The following ITGB8 variants were observed in gnomAD, a reference collection of about 807,000 sequenced individuals.
The protein encoded by ITGB8 is integrin subunit beta 8, also known as integrin beta-8.
Under a neutral mutation model 89.5 loss-of-function variants are expected in ITGB8, and 30 were observed. The ratio of observed to expected loss-of-function variants is 0.34; its 90% CI spans 0.25 to 0.45. The LOEUF is 0.45. Among genes scored for constraint, ITGB8 ranks in the 20% least tolerant of loss-of-function variants. The pLI, the probability that ITGB8 is intolerant of heterozygous loss-of-function variation, is 1.00. For missense variants in ITGB8, 836 were observed against 933.3 expected (o/e 0.90, Z 1.36); for synonymous variants, 335 against 320.4 (o/e 1.05, Z -0.49).
intron 3 of ITGB8, among the ~76,000 whole-genome samples, chr7:20,378,305 G>A (rs1186387327): frequency 6.6e-6 from 1 of 152,114 alleles, no homozygotes; most frequent in Non-Finnish European, 1.5e-5. Context: ...TGGGTGCCTC[G>A]CTCATGGGCC....
chr7:20,377,917 A>G, intron 3 of ITGB8, among the ~76,000 whole-genome samples: 1 of 152,254 alleles, frequency 6.6e-6, no homozygotes, highest in Non-Finnish European at 1.5e-5. Context: ...TGCTAACACC[A>G]AAAATATAAT....
rs975032574 is a variant in ITGB8 at position 20,414,782 on chromosome 7, G to A, written c.*4785G>A. The A allele has an allele frequency of 2.0e-5, 3 of 152,528 alleles. No individual in the cohort carries two copies. The highest frequency in any genetic ancestry group is 6.6e-5 in the Admixed American group (1 of 15,262). The allele number at this position is 152,528 out of a possible 1,614,324, so 9.4% of individuals were successfully genotyped here. ...TTCAGCTATCTGGGCAGCTGTTAAT[G>A]TAAACCTGAGAGTAATAACACTACT... On this transcript the variant is annotated 3_prime_UTR_variant, in exon 14 of 14. Transcript: ENST00000222573.
chr7:20,347,156 G>A (rs932179303), intron 1 of ITGB8, among the ~76,000 whole-genome samples: 1 of 152,134 alleles, frequency 6.6e-6, no homozygotes, highest in Non-Finnish European at 1.5e-5. Context: ...TGGACTTGCC[G>A]GATTCCAAAA....
chr7:20,412,597 T>C lies in ITGB8; in HGVS notation c.*2600T>C, dbSNP rs769763255. The C allele has an allele frequency of 7.9e-5, 12 of 152,660 alleles. No homozygotes were observed. The highest frequency in any genetic ancestry group is 1.6e-4 in the Non-Finnish European group (11 of 68,030). 9.5% of individuals were successfully genotyped at this position (152,660 alleles called of 1,614,324 possible). On this transcript the variant is annotated 3_prime_UTR_variant, in exon 14 of 14. Transcript: ENST00000222573. Reference sequence around the variant, plus strand: ...CTAACTTTATAGTGGACCAAGGCTGTTACCATAGGAAGGGACAAACTTCCT... The same window carrying C: ...CTAACTTTATAGTGGACCAAGGCTGCTACCATAGGAAGGGACAAACTTCCT...
Position 20,414,736 on chromosome 7 carries a change from T to G in ITGB8, c.*4739T>G, listed in dbSNP as rs184802495. The G allele has an allele frequency of 6.5e-6, 1 of 152,754 alleles. No individual in the cohort carries two copies. The highest frequency in any genetic ancestry group is 1.9e-4 in the East Asian group (1 of 5,192). The allele number at this position is 152,754 out of a possible 1,614,324, so 9.5% of individuals were successfully genotyped here. On this transcript the variant is annotated 3_prime_UTR_variant, in exon 14 of 14. Transcript: ENST00000222573. ...TTATAAAACTGCATATTTAAATTAT[T>G]TGAATTATATGAAATAATTGTTCAG...
At chr7:20,383,036 G>A (rs542367143) in intron 6 of ITGB8, among the ~76,000 whole-genome samples, 3 of 152,230 alleles carry the variant, frequency 2.0e-5, no homozygotes, top group African/African-American at 7.2e-5. Flanking sequence ...GCCACCCTTG[G>A]GAGTGTGCTG....
At chr7:20,376,107 G>A (rs1786132253) in intron 3 of ITGB8, among the ~76,000 whole-genome samples, 1 of 152,062 alleles carries the variant, frequency 6.6e-6, no homozygotes, top group African/African-American at 2.4e-5. Flanking sequence ...TAAAACCAAT[G>A]GATATTGCCA....
Position 20,409,993 on chromosome 7 carries a change from T to C in ITGB8, c.2306T>C (p.Phe769Ser), listed in dbSNP as rs1216294908. ...GCTCATGAAACTTTCAGGTGCAACTTCTAAAAAAAGATTTTTAAACACTTA... is the reference window on the plus strand; with the variant it reads ...GCTCATGAAACTTTCAGGTGCAACTCCTAAAAAAAGATTTTTAAACACTTA... ...LNAHETFRCN[F>S] Residue 769 changes from phenylalanine (F) to serine (S), a missense_variant, in exon 14 of 14, where the codon TTC becomes TCC. Physicochemically the swap from Phe to Ser is radical, Grantham distance 155 (BLOSUM62 -2). Around this residue, in one of 5 missense-constraint regions of ITGB8, gnomAD observed 422 missense variants for 416.9 expected, o/e 1.01. Transcript: ENST00000222573. 1.9e-6 allele frequency: 3 copies of C among 1,605,624 alleles called. No homozygotes were observed. In the South Asian group the frequency reaches 3.4e-5, roughly 18 times the overall value.
chr7:20,349,108 AC>A (rs1185763280), intron 1 of ITGB8, among the ~76,000 whole-genome samples: 1 of 152,158 alleles, frequency 6.6e-6, no homozygotes, highest in Non-Finnish European at 1.5e-5. Context: ...TTAAAGTATT[AC>A]GGAAGATTAT....
chr7:20,353,251 C>T lies in ITGB8; in HGVS notation c.128-10386C>T, dbSNP rs554446008. On this transcript the variant is annotated intron_variant, in intron 1 of 13. Coordinates refer to ENST00000222573, the MANE Select transcript of ITGB8 (RefSeq NM_002214.3). ...TGCTCTCCAAAAATCTTTATGCTAG[C>T]GTAAAGGCCTGTTGTAATCACATAA... 1.3e-4 allele frequency: 20 copies of T among 152,280 alleles called. No homozygotes were observed. In the East Asian group the frequency reaches 1.9e-3, roughly 15 times the overall value. 9.4% of individuals were successfully genotyped at this position (152,280 alleles called of 1,614,324 possible). A position where few individuals can be genotyped will look rare whatever the true frequency, so the allele number is the denominator to read the frequency against.
intron 6 of ITGB8, among the ~76,000 whole-genome samples, chr7:20,390,914 T>C (rs1006137673): frequency 3.9e-5 from 6 of 152,062 alleles, no homozygotes; most frequent in African/African-American, 1.4e-4. Context: ...TATAACTATA[T>C]CATGTTATAT....
chr7:20,408,539 C>T (rs1208141779), intron 12 of ITGB8, among the ~76,000 whole-genome samples: 2 of 152,320 alleles, frequency 1.3e-5, no homozygotes, highest in African/African-American at 4.8e-5. Context: ...TATGCTAAGC[C>T]TTGGCAGGTC....
intron 9 of ITGB8, among the ~76,000 whole-genome samples, chr7:20,400,125 T>C (rs1326587265): frequency 2.0e-5 from 3 of 152,286 alleles, no homozygotes; most frequent in South Asian, 2.1e-4. Context: ...CTAAGTTACT[T>C]TATGAAAAAA....
chr7:20,335,684 C>G lies in ITGB8; in HGVS notation c.127+3751C>G, dbSNP rs371740127. Among the ~76,000 whole-genome samples the G allele has an allele frequency of 5.3e-5, 8 of 152,366 alleles. No homozygotes were observed. In the East Asian group the frequency reaches 1.3e-3, roughly 26 times the overall value. On this transcript the variant is annotated intron_variant, in intron 1 of 13. Transcript: ENST00000222573. ...TCTCCGATTCTTCTCCTCACCTTCT[C>G]TTTGAATCCATTGTGAGCAGGCTTT...
intron 4 of ITGB8, chr7:20,380,220 T>G (rs1303649891): frequency 6.3e-6 from 1 of 158,894 alleles, no homozygotes; most frequent in Non-Finnish European, 1.4e-5. Context: ...CATCAATAAT[T>G]CCACCAAGCA....
rs1287061611 is a variant in ITGB8, at chr7:20,402,096, T to C, written c.1657T>C (p.Cys553Arg). ...GKYCEKDDFS[C>R]PYHHGNLCAG... is the part of the protein sequence containing the mutation. ...ATACTGTGAAAAGGATGACTTTTCT[T>C]GTCCATATCACCATGGAAATCTGTG... is the stretch of plus-strand genomic sequence containing the variant. Residue 553 changes from cysteine (C) to arginine (R), a missense_variant, in exon 10 of 14, where the codon TGT (cysteine) becomes CGT (arginine). This residue lies in a region of ITGB8 where 422 missense variants were observed against 416.9 expected (regional missense o/e 1.01). Coordinates refer to ENST00000222573, the MANE Select transcript of ITGB8 (RefSeq NM_002214.3). 6.2e-7 allele frequency: 1 copy of C among 1,613,304 alleles called. No individual in the cohort carries two copies. The highest frequency in any genetic ancestry group is 8.5e-7 in the Non-Finnish European group (1 of 1,179,612).
At chr7:20,346,820 G>A (rs908163331) in intron 1 of ITGB8, 2 of 985,278 alleles carry the variant, frequency 2.0e-6, no homozygotes, top group African/African-American at 3.5e-5. Context: ...CCATGACATA[G>A]GACTTTAGGA....
In ITGB8 at chr7:20,387,425, A is replaced by G. The variant is rs529042945; in HGVS notation, c.961-3978A>G. Among the ~76,000 whole-genome samples the G allele has an allele frequency of 2.6e-5, 4 of 152,300 alleles. No individual in the cohort carries two copies. The South Asian group carries it at 8.3e-4, about 32-fold the overall frequency. ...CTGAGTGGTAGATACTAGTGTTTAT[A>G]CCTGCTTTACACCTATGGAAACTGA... On this transcript the variant is annotated intron_variant, in intron 6 of 13. Coordinates refer to ENST00000222573, the MANE Select transcript of ITGB8 (RefSeq NM_002214.3).
At chr7:20,350,597 C>T (rs1395197186) in intron 1 of ITGB8, among the ~76,000 whole-genome samples, 1 of 152,210 alleles carries the variant, frequency 6.6e-6, no homozygotes, top group African/African-American at 2.4e-5. Context: ...ACTGTTTTCA[C>T]AGCTCAGTGG....
Sources: gnomAD v4.1 joint callset for allele counts (sites outside exome capture counted in the v4.1 genomes callset) on GRCh38, gnomAD v4.1.1 for gene constraint, gnomAD v4.1.1 regional missense constraint, MANE v1.5 for transcripts, NCBI Gene and HGNC (gene_info 2026-07-23, HGNC 2026-07-21) for gene names.